BRINP3: variants seen among roughly 807,000 people sequenced by gnomAD.
BRINP3 encodes BMP/retinoic acid-inducible neural-specific protein 3.
A neutral mutation model predicts 71.0 loss-of-function variants in BRINP3; 19 were observed. That is an observed-to-expected ratio of 0.27 (90% CI 0.19 to 0.39). The LOEUF (loss-of-function observed/expected upper bound fraction) is 0.39, where lower values mean the gene tolerates loss of function less well. Among genes scored for constraint, BRINP3 ranks in the 10% least tolerant of loss-of-function variants. BRINP3 has a pLI of 1.00. For missense variants in BRINP3, 959 were observed against 940.8 expected (o/e 1.02, Z -0.25); for synonymous variants, 380 against 337.7 (o/e 1.13, Z -1.37).
chr1:190,279,220 C>T (rs1373333481), intron 3 of BRINP3, among the ~76,000 whole-genome samples: 1 of 151,708 alleles, frequency 6.6e-6, no homozygotes, highest in Non-Finnish European at 1.5e-5. Context: ...ATTGACATTA[C>T]TAAGCCAAAT....
At chr1:190,271,658 C>G (rs915703939) in intron 3 of BRINP3, among the ~76,000 whole-genome samples, 1 of 151,390 alleles carries the variant, frequency 6.6e-6, no homozygotes, top group African/African-American at 2.4e-5. Flanking sequence ...TAAAGATCTC[C>G]CACCACAGTT....
intron 2 of BRINP3, among the ~76,000 whole-genome samples, chr1:190,389,067 G>T (rs1459884227): frequency 2.0e-5 from 3 of 151,490 alleles, no homozygotes; most frequent in Non-Finnish European, 3.0e-5. Flanking sequence ...AAGATTAGAG[G>T]AACATTCTAG....
chr1:190,354,367 T>G lies in BRINP3; in HGVS notation c.237-72617A>C, dbSNP rs552711001. On this transcript the variant is annotated intron_variant, in intron 2 of 7. Coordinates refer to ENST00000367462, the MANE Select transcript of BRINP3 (RefSeq NM_199051.3). ...GCACGGACAGCCCCACTACAAAGAA[T>G]TATACAGCCCAAAATGTCATGGTGC... Among the ~76,000 whole-genome samples the G allele has an allele frequency of 2.0e-5, 3 of 151,996 alleles. No homozygotes were observed. The South Asian group carries it at 6.2e-4, about 32-fold the overall frequency.
rs571921760 is a variant in BRINP3 at position 190,238,253 on chromosome 1, G to A, written c.619-3776C>T. ...AGAGAACAATAACTATATTTGGCTC[G>A]TATTCAATTTCTGATATCTTAACAT... is the stretch of plus-strand genomic sequence containing the variant. On this transcript the variant is annotated intron_variant, in intron 4 of 7. Transcript: ENST00000367462. Among the ~76,000 whole-genome samples, 36 of 151,818 alleles carry A rather than the reference G, an allele frequency of 2.4e-4. No homozygotes were observed. In the South Asian group the frequency reaches 2.7e-3, roughly 11 times the overall value.
intron 2 of BRINP3, among the ~76,000 whole-genome samples, chr1:190,317,222 ACAATTACTCTCAG>A (rs1015001292): frequency 3.3e-5 from 5 of 151,966 alleles, no homozygotes; most frequent in Admixed American, 2.0e-4. Context: ...TTAAAAAACA[ACAATTACTCTCAG>A]CAGCAGCTGA....
chr1:190,276,407 T>G (rs1033216966), intron 3 of BRINP3, among the ~76,000 whole-genome samples: 1 of 151,694 alleles, frequency 6.6e-6, no homozygotes, highest in Admixed American at 6.6e-5. Context: ...ATTCACATAG[T>G]GAAAAGTGAG....
chr1:190,303,284 A>G (rs1664863575), intron 2 of BRINP3, among the ~76,000 whole-genome samples: 1 of 151,816 alleles, frequency 6.6e-6, no homozygotes, highest in Non-Finnish European at 1.5e-5. Flanking sequence ...TATAGTGATA[A>G]TTTAAATCCA....
rs529669193 is a variant in BRINP3, at chr1:190,155,627, C to G, written c.1184+5041G>C. The stretch of plus-strand genomic sequence containing the variant: ...TGCTGACATAATTTGGCTCTGTTCC[C>G]CTACTCAAATCTCACCTCGAATTAT... On this transcript the variant is annotated intron_variant, in intron 7 of 7. Transcript: ENST00000367462. 4.6e-4 allele frequency among the ~76,000 whole-genome samples: 70 copies of G among 151,854 alleles called. 1 individual carries two copies. The highest frequency in any genetic ancestry group is 9.0e-4 in the Non-Finnish European group (61 of 67,984).
chr1:190,435,709 T>C (rs924660527), intron 2 of BRINP3, among the ~76,000 whole-genome samples: 2 of 151,978 alleles, frequency 1.3e-5, no homozygotes, highest in East Asian at 3.9e-4. Flanking sequence ...AGAAACTTAT[T>C]TGTATGGGTA....
At chr1:190,382,504 A>C (rs992986962) in intron 2 of BRINP3, among the ~76,000 whole-genome samples, 1 of 152,202 alleles carries the variant, frequency 6.6e-6, no homozygotes, top group African/African-American at 2.4e-5. Context: ...AAAGATCACA[A>C]TGAGCAAAGA....
intron 2 of BRINP3, among the ~76,000 whole-genome samples, chr1:190,347,495 G>A (rs988089497): frequency 7.2e-5 from 11 of 152,072 alleles, no homozygotes; most frequent in Admixed American, 2.0e-4. Flanking sequence ...TTTTATATCC[G>A]AGGAGGATTG....
intron 2 of BRINP3, among the ~76,000 whole-genome samples, chr1:190,289,140 T>C (rs902492214): frequency 6.6e-6 from 1 of 151,814 alleles, no homozygotes; most frequent in Non-Finnish European, 1.5e-5. Context: ...GAAGGCAAAA[T>C]GAAGGATTTT....
In BRINP3 at chr1:190,360,947, G is replaced by A. The variant is rs186998022; in HGVS notation, c.237-79197C>T. 1.3e-4 allele frequency among the ~76,000 whole-genome samples: 20 copies of A among 152,264 alleles called. No individual in the cohort carries two copies. The Middle Eastern group carries it at 0.01, about 78-fold the overall frequency. On this transcript the variant is annotated intron_variant, in intron 2 of 7. Coordinates refer to ENST00000367462, the MANE Select transcript of BRINP3 (RefSeq NM_199051.3). ...TAAAGACATATCTAACTCTGGAAGA[G>A]TAGTCAGGGAAAGTGTCACCAAACA...
intron 2 of BRINP3, among the ~76,000 whole-genome samples, chr1:190,288,808 T>A (rs928860964): frequency 6.6e-6 from 1 of 151,908 alleles, no homozygotes; most frequent in African/African-American, 2.4e-5. Flanking sequence ...ACAAAAGAAT[T>A]TATAAATAAA....
chr1:190,187,676 T>C (rs1452349011), intron 6 of BRINP3, among the ~76,000 whole-genome samples: 4 of 152,140 alleles, frequency 2.6e-5, no homozygotes, highest in African/African-American at 9.6e-5. Flanking sequence ...TGCCAAAAAG[T>C]AGTTCACTGT....
intron 2 of BRINP3, among the ~76,000 whole-genome samples, chr1:190,294,602 C>T (rs1182250315): frequency 6.6e-6 from 1 of 152,110 alleles, no homozygotes; most frequent in African/African-American, 2.4e-5. Flanking sequence ...CCTCACCTCT[C>T]CAGGTCTGGT....
rs1651389276 is a variant in BRINP3 at position 190,098,418 on chromosome 1, T to A, written c.1901A>T (p.Lys634Met). Residue 634 changes from lysine (K) to methionine (M), a missense_variant, in exon 8 of 8, where the codon AAG becomes ATG. Coordinates refer to ENST00000367462, the MANE Select transcript of BRINP3 (RefSeq NM_199051.3). The stretch of plus-strand genomic sequence containing the variant: ...CTCATTACCATTGGGACCATTGGAC[T>A]TGATGCGACTTCTCAGGTAGATGTG... ...TVHIYLRSRI[K>M]SNGPNGNESI... 1 of 1,614,072 alleles carries A rather than the reference T, an allele frequency of 6.2e-7. No homozygotes were observed. The highest frequency in any genetic ancestry group is 1.7e-5 in the Admixed American group (1 of 59,998).
chr1:190,410,863 T>C (rs975556599), intron 2 of BRINP3, among the ~76,000 whole-genome samples: 10 of 152,122 alleles, frequency 6.6e-5, no homozygotes, highest in African/African-American at 1.9e-4. Flanking sequence ...ACTAAAATAC[T>C]TAGACTGAAA....
At chr1:190,122,914 TC>T (rs1284404100) in intron 7 of BRINP3, among the ~76,000 whole-genome samples, 1 of 152,112 alleles carries the variant, frequency 6.6e-6, no homozygotes, top group Non-Finnish European at 1.5e-5. Flanking sequence ...GATGCATGAA[TC>T]TGAGGTCATG....
Sources: allele counts gnomAD v4.1 joint callset (sites outside exome capture counted in the v4.1 genomes callset), GRCh38; gene constraint gnomAD v4.1.1; transcripts MANE v1.5; gene names NCBI Gene and HGNC (gene_info 2026-07-23, HGNC 2026-07-21).